KCNIP1: variants seen among roughly 807,000 people sequenced by gnomAD.
KCNIP1 encodes the protein potassium voltage-gated channel interacting protein 1.
In KCNIP1, 18 loss-of-function variants were observed where a neutral mutation model predicts 33.0. The observed-to-expected ratio is 0.55, with a 90% CI of 0.38 to 0.81. The LOEUF is 0.81. Among genes scored for constraint, KCNIP1 ranks in the 30% least tolerant of loss-of-function variants. KCNIP1 has a pLI of 0.00. For missense variants in KCNIP1, 238 were observed against 271.6 expected (o/e 0.88, Z 0.87); for synonymous variants, 93 against 98.3 (o/e 0.95, Z 0.32).
intron 1 of KCNIP1, among the ~76,000 whole-genome samples, chr5:170,472,585 A>ACCC (rs1486212093): frequency 4.4e-5 from 2 of 45,216 alleles, no homozygotes; most frequent in African/African-American, 8.3e-5. Context: ...CCCCCCTCCC[A>ACCC]CCCTCCCCCC....
At chr5:170,430,457 C>A (rs1344024553) in intron 1 of KCNIP1, among the ~76,000 whole-genome samples, 1 of 152,328 alleles carries the variant, frequency 6.6e-6, no homozygotes, top group African/African-American at 2.4e-5. Context: ...CAAACTCCTA[C>A]ACACCCTTCA....
intron 1 of KCNIP1, among the ~76,000 whole-genome samples, chr5:170,474,987 A>G (rs759066938): frequency 4.6e-5 from 7 of 152,110 alleles, no homozygotes; most frequent in Admixed American, 2.0e-4. Flanking sequence ...TGATTGGTCC[A>G]TTTTACAGAG....
chr5:170,480,476 A>ATTT (rs11428676), intron 1 of KCNIP1, among the ~76,000 whole-genome samples: 7 of 137,952 alleles, frequency 5.1e-5, no homozygotes, highest in Non-Finnish European at 7.7e-5. Flanking sequence ...GAGACTAGGG[A>ATTT]TTTTTTTTTT....
chr5:170,387,772 C>A (rs1764537639), intron 1 of KCNIP1, among the ~76,000 whole-genome samples: 2 of 152,212 alleles, frequency 1.3e-5, no homozygotes, highest in Non-Finnish European at 2.9e-5. Flanking sequence ...TCCATGTATT[C>A]ACAGGTAAAG....
At chr5:170,724,182 AG>A (rs1281455474) in intron 5 of KCNIP1, among the ~76,000 whole-genome samples, 1 of 152,242 alleles carries the variant, frequency 6.6e-6, no homozygotes, top group African/African-American at 2.4e-5. Context: ...ATAAAATTAT[AG>A]GCCCAGATGG....
At chr5:170,414,331 T>C (rs1304622020) in intron 1 of KCNIP1, among the ~76,000 whole-genome samples, 1 of 152,194 alleles carries the variant, frequency 6.6e-6, no homozygotes, top group Non-Finnish European at 1.5e-5. Flanking sequence ...AGCCTAAAGG[T>C]TTCTCTGCAC....
At chr5:170,478,783 G>C (rs536266110) in intron 1 of KCNIP1, among the ~76,000 whole-genome samples, 2 of 152,058 alleles carry the variant, frequency 1.3e-5, no homozygotes, top group Non-Finnish European at 2.9e-5. Context: ...ATTACAGTTC[G>C]GTAGGATGTT....
chr5:170,411,040 C>A (rs1755173767), intron 1 of KCNIP1, among the ~76,000 whole-genome samples: 1 of 152,218 alleles, frequency 6.6e-6, no homozygotes, highest in South Asian at 2.1e-4. Flanking sequence ...TTAGCACCTT[C>A]CCTGTTGCAG....
intron 1 of KCNIP1, among the ~76,000 whole-genome samples, chr5:170,411,065 T>C (rs1755174454): frequency 6.6e-6 from 1 of 152,244 alleles, no homozygotes; most frequent in African/African-American, 2.4e-5. Context: ...TCCCAGGTAC[T>C]GGAGGTTTAG....
At chr5:170,469,874 G>A (rs1354358859) in intron 1 of KCNIP1, among the ~76,000 whole-genome samples, 1 of 152,180 alleles carries the variant, frequency 6.6e-6, no homozygotes, top group Non-Finnish European at 1.5e-5. Context: ...CTTGCAGAAT[G>A]AATGTCCTTC....
At chr5:170,419,685 T>C (rs747983707) in intron 1 of KCNIP1, among the ~76,000 whole-genome samples, 5 of 152,228 alleles carry the variant, frequency 3.3e-5, no homozygotes, top group Admixed American at 6.5e-5. Flanking sequence ...GGAAACTGTA[T>C]AATTCATTGC....
chr5:170,598,212 G>A (rs936628159), intron 1 of KCNIP1, among the ~76,000 whole-genome samples: 5 of 152,178 alleles, frequency 3.3e-5, no homozygotes, highest in Non-Finnish European at 5.9e-5. Context: ...CCTTTGAATG[G>A]GAGATGAGGG....
At chr5:170,688,467 T>G (rs956745331) in intron 1 of KCNIP1, among the ~76,000 whole-genome samples, 1 of 152,232 alleles carries the variant, frequency 6.6e-6, no homozygotes, top group Non-Finnish European at 1.5e-5. Flanking sequence ...AAATGCTTTA[T>G]GGGAAAGTCA....
chr5:170,408,514 G>T (rs765482417), intron 1 of KCNIP1, among the ~76,000 whole-genome samples: 1 of 152,144 alleles, frequency 6.6e-6, no homozygotes, highest in Non-Finnish European at 1.5e-5. Flanking sequence ...AACTAGGAGG[G>T]GGAAAAACAC....
At chr5:170,605,770 C>CTTTTTTTTTTTTTTT (rs766469605) in intron 1 of KCNIP1, among the ~76,000 whole-genome samples, 1 of 102,350 alleles carries the variant, frequency 9.8e-6, no homozygotes, top group Non-Finnish European at 1.9e-5. Context: ...CAACCCTGTT[C>CTTTTTTTTTTTTTTT]TTTTTTTTTT....
chr5:170,400,479 C>G (rs1273286829), intron 1 of KCNIP1, among the ~76,000 whole-genome samples: 2 of 152,196 alleles, frequency 1.3e-5, no homozygotes, highest in African/African-American at 4.8e-5. Flanking sequence ...CACCAGGTCC[C>G]TCCCTCAACA....
intron 1 of KCNIP1, among the ~76,000 whole-genome samples, chr5:170,495,594 G>A (rs1310524539): frequency 1.3e-5 from 2 of 152,188 alleles, no homozygotes; most frequent in African/African-American, 2.4e-5. Context: ...ACCAACCCTC[G>A]AACTCTGCCT....
intron 1 of KCNIP1, among the ~76,000 whole-genome samples, chr5:170,703,627 A>G (rs184156028): frequency 2.9e-5 from 4 of 137,450 alleles, no homozygotes; most frequent in South Asian, 2.7e-4. Context: ...AAATTAATTT[A>G]AAAAATAAAA....
chr5:170,494,619 C>A (rs1360844333), intron 1 of KCNIP1, among the ~76,000 whole-genome samples: 1 of 152,204 alleles, frequency 6.6e-6, no homozygotes, highest in East Asian at 1.9e-4. Flanking sequence ...AGGCCACCAG[C>A]GTACGTCCTG....
Sources: gnomAD v4.1 joint callset for allele counts (sites outside exome capture counted in the v4.1 genomes callset) on GRCh38, gnomAD v4.1.1 for gene constraint, MANE v1.5 for transcripts, NCBI Gene and HGNC (gene_info 2026-07-23, HGNC 2026-07-21) for gene names.